The following HTR7 variants were observed in gnomAD, a reference collection of about 807,000 sequenced individuals.
HTR7 encodes 5-HT-7.
HTR7 carries 16 observed loss-of-function variants against 34.0 expected under a neutral mutation model. The observed-to-expected ratio is 0.47, with a 90% CI of 0.32 to 0.71. The LOEUF is 0.71. Ranked by LOEUF, HTR7 falls within the 30% of genes least tolerant of loss-of-function variation. The probability of loss-of-function intolerance (pLI) is 0.04; values close to 1 mark genes in which losing one functional copy is unlikely to be tolerated. For synonymous variants in HTR7, 265 were observed against 260.2 expected, an observed-to-expected ratio of 1.02 and a Z score of -0.18; for missense variants, 504 against 625.5, an observed-to-expected ratio of 0.81 and a Z score of 2.07.
At chr10:90,830,191 A>G (rs930338186) in intron 1 of HTR7, among the ~76,000 whole-genome samples, 1 of 152,252 alleles carries the variant, frequency 6.6e-6, no homozygotes, top group Non-Finnish European at 1.5e-5. Flanking sequence ...TGTTACCAAT[A>G]AACTGTAACA....
intron 2 of HTR7, among the ~76,000 whole-genome samples, chr10:90,745,320 A>G (rs1000058477): frequency 2.0e-4 from 30 of 152,128 alleles, no homozygotes; most frequent in African/African-American, 7.2e-4. Flanking sequence ...GCTTCCTTAC[A>G]TGGTAGAAGG....
chr10:90,828,882 G>A (rs968148524), intron 1 of HTR7, among the ~76,000 whole-genome samples: 3 of 150,082 alleles, frequency 2.0e-5, no homozygotes, highest in East Asian at 3.9e-4. Flanking sequence ...CAAAAAATAA[G>A]AAAACTAGAT....
In HTR7 at chr10:90,775,443, G is replaced by T. The variant is rs77974554; in HGVS notation, c.540-25849C>A. 1.4e-3 allele frequency among the ~76,000 whole-genome samples: 216 copies of T among 152,296 alleles called. 3 individuals are homozygous for T. The East Asian group carries it at 0.031, about 22-fold the overall frequency. The stretch of plus-strand genomic sequence containing the variant: ...GATGTTGAGGAAGAGAATCCTACAT[G>T]CAAAGGCCCACAGGGAACACCATGT... On this transcript the variant is annotated intron_variant, in intron 1 of 3. Coordinates refer to ENST00000336152, the MANE Select transcript of HTR7 (RefSeq NM_019859.4).
intron 1 of HTR7, among the ~76,000 whole-genome samples, chr10:90,824,911 G>A (rs1337173667): frequency 6.6e-6 from 1 of 152,198 alleles, no homozygotes; most frequent in African/African-American, 2.4e-5. Flanking sequence ...GGGCCCTGGG[G>A]AACTCCACTC....
intron 1 of HTR7, among the ~76,000 whole-genome samples, chr10:90,846,457 A>T (rs1480401060): frequency 6.6e-6 from 1 of 152,226 alleles, no homozygotes; most frequent in African/African-American, 2.4e-5. Flanking sequence ...TTAGTTCATC[A>T]ATTAGTAAGA....
chr10:90,748,931 G>A lies in HTR7; in HGVS notation c.1203C>T (p.Cys401=). 1.2e-6 allele frequency: 2 copies of A among 1,614,184 alleles called. No individual in the cohort carries two copies. The highest frequency in any genetic ancestry group is 1.3e-5 in the African/African-American group (1 of 75,062). Residue 401 remains cysteine, a synonymous_variant, in exon 2 of 4, where the codon TGC becomes TGT. Transcript: ENST00000336152. ...GCTTCCGGTTGATATTCCGGTACTG[G>A]CACTGGAGCAGGCTGCGATAGGTGG... The part of the protein sequence containing the change: ...LRTTYRSLLQ[C]QYRNINRKLS...
At chr10:90,764,600 A>C (rs888443593) in intron 1 of HTR7, among the ~76,000 whole-genome samples, 1 of 152,064 alleles carries the variant, frequency 6.6e-6, no homozygotes, top group Non-Finnish European at 1.5e-5. Context: ...TAAGATCATC[A>C]TGTCACCTGA....
chr10:90,808,132 A>G (rs1370213595), intron 1 of HTR7, among the ~76,000 whole-genome samples: 2 of 152,184 alleles, frequency 1.3e-5, no homozygotes, highest in African/African-American at 4.8e-5. Context: ...CACGTTTCAG[A>G]GGTGTCAGAT....
At chr10:90,811,944 G>T (rs1220404552) in intron 1 of HTR7, among the ~76,000 whole-genome samples, 1 of 152,160 alleles carries the variant, frequency 6.6e-6, no homozygotes, top group Non-Finnish European at 1.5e-5. Flanking sequence ...AATCAGCCAA[G>T]TAGTTTTTCA....
chr10:90,765,323 T>A (rs910200478), intron 1 of HTR7, among the ~76,000 whole-genome samples: 4 of 152,160 alleles, frequency 2.6e-5, no homozygotes, highest in Non-Finnish European at 5.9e-5. Flanking sequence ...TCCCTATTAG[T>A]TACTTTATAA....
intron 1 of HTR7, among the ~76,000 whole-genome samples, chr10:90,844,879 C>T (rs1846390622): frequency 6.6e-6 from 1 of 150,546 alleles, no homozygotes; most frequent in Admixed American, 6.6e-5. Context: ...AAATAAGAAT[C>T]TCTAGGGGGT....
At chr10:90,851,181 T>A (rs557244737) in intron 1 of HTR7, among the ~76,000 whole-genome samples, 6 of 152,260 alleles carry the variant, frequency 3.9e-5, no homozygotes, top group South Asian at 2.1e-4. Flanking sequence ...CATGGAGTGA[T>A]AATAATGTTG....
At chr10:90,792,232 G>C (rs1387831366) in intron 1 of HTR7, among the ~76,000 whole-genome samples, 1 of 152,056 alleles carries the variant, frequency 6.6e-6, no homozygotes, top group Admixed American at 6.6e-5. Context: ...AAAGTAGTGC[G>C]AGTTAAAAAT....
intron 2 of HTR7, among the ~76,000 whole-genome samples, chr10:90,746,226 GTGTC>G (rs2119665810): frequency 1.3e-5 from 2 of 152,292 alleles, no homozygotes; most frequent in South Asian, 4.1e-4. Context: ...GCTCAGCAAA[GTGTC>G]TGAGAGTGAA....
intron 1 of HTR7, among the ~76,000 whole-genome samples, chr10:90,823,457 C>T (rs1305026114): frequency 1.3e-5 from 2 of 152,232 alleles, no homozygotes; most frequent in Non-Finnish European, 2.9e-5. Flanking sequence ...AGCATTTACC[C>T]ATTGTCTGTA....
intron 1 of HTR7, among the ~76,000 whole-genome samples, chr10:90,780,961 C>G (rs780315432): frequency 6.6e-6 from 1 of 152,150 alleles, no homozygotes; most frequent in Non-Finnish European, 1.5e-5. Flanking sequence ...AAGGAATAAA[C>G]GTTTACATCT....
intron 1 of HTR7, among the ~76,000 whole-genome samples, chr10:90,758,344 CAAAAA>C (rs58130009): frequency 0.032 from 1,681 of 51,958 alleles, 91 homozygotes; most frequent in African/African-American, 0.12. Flanking sequence ...GGCTCTGTCT[CAAAAA>C]AAAAAAAAAG....
intron 1 of HTR7, among the ~76,000 whole-genome samples, chr10:90,769,600 C>T (rs7912516): frequency 0.21 from 31,488 of 152,018 alleles, 3,923 homozygotes; most frequent in African/African-American, 0.34. Flanking sequence ...AAATTATTTT[C>T]TGGTTTAAAG....
At chr10:90,792,786 T>C (rs753532228) in intron 1 of HTR7, among the ~76,000 whole-genome samples, 3 of 152,078 alleles carry the variant, frequency 2.0e-5, no homozygotes, top group Admixed American at 6.6e-5. Context: ...TCAGAACTTA[T>C]CAGAATGGAG....
Sources: allele counts gnomAD v4.1 joint callset (sites outside exome capture counted in the v4.1 genomes callset), GRCh38; gene constraint gnomAD v4.1.1; transcripts MANE v1.5; gene names NCBI Gene and HGNC (gene_info 2026-07-23, HGNC 2026-07-21).